The following MELK variants were observed in gnomAD, a reference collection of about 807,000 sequenced individuals.
MELK encodes the protein pEg3 kinase.
In MELK, 81 loss-of-function variants were observed where a neutral mutation model predicts 85.0. The observed-to-expected ratio is 0.95, with a 90% CI of 0.80 to 1.15. MELK has a LOEUF of 1.15. Among genes scored for constraint, MELK ranks in the 50% most tolerant of loss-of-function variants. The pLI is 0.00. For missense variants in MELK, 754 were observed against 777.5 expected, an observed-to-expected ratio of 0.97 and a Z score of 0.36; for synonymous variants, 252 against 265.0, an observed-to-expected ratio of 0.95 and a Z score of 0.48.
chr9:36,579,353 C>T (rs916559616), intron 1 of MELK, among the ~76,000 whole-genome samples: 1 of 151,788 alleles, frequency 6.6e-6, no homozygotes. Context: ...TAGTAGAGAC[C>T]GGGTTTTACT....
At chr9:36,647,494 C>CTTTT (rs112975528) in intron 11 of MELK, among the ~76,000 whole-genome samples, 1 of 143,664 alleles carries the variant, frequency 7.0e-6, no homozygotes. Context: ...TTCTTTCTTT[C>CTTTT]TTTTTTTTTT....
intron 8 of MELK, among the ~76,000 whole-genome samples, chr9:36,625,127 A>G (rs1007590287): frequency 6.6e-6 from 1 of 152,168 alleles, no homozygotes; most frequent in African/African-American, 2.4e-5. Context: ...CGGCTTTGCA[A>G]ACAGCAGAGG....
At chr9:36,589,479 G>T in intron 3 of MELK, 57 bp from the exon 4 acceptor site, 1 of 1,406,436 alleles carries the variant, frequency 7.1e-7, no homozygotes, top group South Asian at 1.2e-5. Flanking sequence ...TAGTATTGGA[G>T]CTTGGAACAC....
In MELK at chr9:36,600,192, C is replaced by T. The variant is rs189156906; in HGVS notation, c.567+706C>T. The stretch of plus-strand genomic sequence containing the variant: ...CACTGCAACCTCCACCTCCTGGGTT[C>T]AAGCGATTCTCCTTCAGCCTCCCAA... On this transcript the variant is annotated intron_variant, in intron 7 of 17. Transcript: ENST00000298048. Among the ~76,000 whole-genome samples the T allele has an allele frequency of 1.8e-3, 280 of 151,646 alleles. 1 individual carries two copies. The highest frequency in any genetic ancestry group is 6.8e-3 in the Middle Eastern group (2 of 292).
intron 8 of MELK, among the ~76,000 whole-genome samples, chr9:36,628,447 A>G (rs1828150308): frequency 6.6e-6 from 1 of 151,754 alleles, no homozygotes; most frequent in Non-Finnish European, 1.5e-5. Context: ...TTGAGACGGA[A>G]TCTTGCTGTA....
At chr9:36,666,111 CTT>C (rs1832317142) in intron 14 of MELK, among the ~76,000 whole-genome samples, 4 of 152,212 alleles carry the variant, frequency 2.6e-5, no homozygotes, top group Admixed American at 1.3e-4. Flanking sequence ...AGATATCTGT[CTT>C]TGTCCAGTTA....
intron 13 of MELK, among the ~76,000 whole-genome samples, chr9:36,659,450 G>A (rs1831580579): frequency 6.6e-6 from 1 of 152,206 alleles, no homozygotes; most frequent in African/African-American, 2.4e-5. Flanking sequence ...GTTTGTTGTT[G>A]TTGGTTAGTG....
chr9:36,614,967 G>A (rs1255823428), intron 8 of MELK, among the ~76,000 whole-genome samples: 9 of 145,694 alleles, frequency 6.2e-5, no homozygotes, highest in East Asian at 4.2e-4. Context: ...CCTCCCAGAC[G>A]GGGTGGTGGC....
chr9:36,641,623 T>G (rs1239430701), intron 10 of MELK, among the ~76,000 whole-genome samples: 1 of 143,342 alleles, frequency 7.0e-6, no homozygotes, highest in Non-Finnish European at 1.5e-5. Context: ...TTTTTTTTTT[T>G]GGAGATGGAG....
intron 4 of MELK, among the ~76,000 whole-genome samples, chr9:36,590,341 A>C (rs1350035370): frequency 6.6e-6 from 1 of 152,182 alleles, no homozygotes; most frequent in African/African-American, 2.4e-5. Context: ...GAAGTCTGAA[A>C]TCAAAATGTT....
intron 10 of MELK, among the ~76,000 whole-genome samples, 172 bp downstream of exon 10, chr9:36,633,372 A>T (rs1828832118): frequency 6.6e-6 from 1 of 152,236 alleles, no homozygotes; most frequent in Non-Finnish European, 1.5e-5. Flanking sequence ...TCTGCAAATG[A>T]GAATTACCTG....
chr9:36,585,789 T>G (rs1287599535), intron 3 of MELK, among the ~76,000 whole-genome samples: 1 of 151,820 alleles, frequency 6.6e-6, no homozygotes, highest in African/African-American at 2.4e-5. Flanking sequence ...TAAAAAAAAT[T>G]TAGCCAGGTG....
At chr9:36,622,385 T>A (rs1827530446) in intron 8 of MELK, among the ~76,000 whole-genome samples, 1 of 152,222 alleles carries the variant, frequency 6.6e-6, no homozygotes, top group Non-Finnish European at 1.5e-5. Context: ...TTTCCTCAGT[T>A]CTTGGTTTGA....
chr9:36,583,377 G>T (rs907151930), intron 2 of MELK, among the ~76,000 whole-genome samples: 6 of 151,080 alleles, frequency 4.0e-5, no homozygotes, highest in Non-Finnish European at 2.9e-5. Flanking sequence ...TTTAATTGCA[G>T]GATTATTCAT....
chr9:36,615,102 G>A (rs1284786627), intron 8 of MELK, among the ~76,000 whole-genome samples: 1 of 139,508 alleles, frequency 7.2e-6, no homozygotes, highest in Non-Finnish European at 1.6e-5. Context: ...CGGACGGGGC[G>A]GCTGGCCGGG....
chr9:36,655,453 GGAGAGAGAGA>G (rs66684364), intron 12 of MELK, among the ~76,000 whole-genome samples: 1 of 147,696 alleles, frequency 6.8e-6, no homozygotes, highest in Admixed American at 6.8e-5. Context: ...TCAAGTAGGG[GGAGAGAGAGA>G]GAGAGAGAGA....
chr9:36,609,360 A>T (rs536650015), intron 8 of MELK, among the ~76,000 whole-genome samples: 1 of 152,268 alleles, frequency 6.6e-6, no homozygotes, highest in East Asian at 1.9e-4. Context: ...ACATGTAAAG[A>T]GGAAGAAAGA....
intron 11 of MELK, among the ~76,000 whole-genome samples, chr9:36,650,165 G>A (rs1345975533): frequency 1.3e-5 from 2 of 151,584 alleles, no homozygotes; most frequent in South Asian, 2.1e-4. Flanking sequence ...GGATGGTCTC[G>A]ATCTCCTGAC....
intron 10 of MELK, among the ~76,000 whole-genome samples, chr9:36,639,862 T>A (rs1021369910): frequency 1.3e-5 from 2 of 151,074 alleles, no homozygotes; most frequent in African/African-American, 2.4e-5. Flanking sequence ...AAAAAAATAT[T>A]TTTTTTTTAC....
Sources: allele counts gnomAD v4.1 joint callset (sites outside exome capture counted in the v4.1 genomes callset), GRCh38; gene constraint gnomAD v4.1.1; transcripts MANE v1.5; gene names NCBI Gene and HGNC (gene_info 2026-07-23, HGNC 2026-07-21).